Variants in EYS observed in about 807,000 individuals in gnomAD.
EYS encodes the protein EGF-like photoreceptor maintenance factor.
A neutral mutation model predicts 282.1 loss-of-function variants in EYS; 250 were observed. That is an observed-to-expected ratio of 0.89 (90% CI 0.80 to 0.98). EYS has a LOEUF of 0.98. EYS is among the 50% of genes least tolerant of loss of function. EYS has a pLI of 0.00. For synonymous variants in EYS, 1,355 were observed against 1,282.9 expected, an observed-to-expected ratio of 1.06 and a Z score of -1.20; for missense variants, 4,016 against 3,709.0, an observed-to-expected ratio of 1.08 and a Z score of -2.15.
At chr6:64,112,363 T>C (rs184118722) in intron 31 of EYS, among the ~76,000 whole-genome samples, 1 of 152,120 alleles carries the variant, frequency 6.6e-6, no homozygotes, top group Admixed American at 6.6e-5. Context: ...AGCGACTGGG[T>C]GGTGGACGTT....
intron 2 of EYS, among the ~76,000 whole-genome samples, chr6:65,594,764 C>T (rs987921518): frequency 5.9e-5 from 9 of 152,030 alleles, no homozygotes; most frequent in African/African-American, 2.2e-4. Flanking sequence ...ATGGTATTGC[C>T]TAGGTTTTCT....
rs899224134 is a variant in EYS, at chr6:65,256,274, C to CT, written c.2023+39588dup. ...GAAAGACAAACTTCTTTTTTTTTTT[C>CT]TTTTTTTTTTTTAATTAAAGTTTTA... On this transcript the variant is annotated intron_variant, in intron 12 of 42. Transcript: ENST00000503581. Among the ~76,000 whole-genome samples the CT allele has an allele frequency of 3.0e-3, 372 of 125,616 alleles. 1 individual carries two copies. The highest frequency in any genetic ancestry group is 6.0e-3 in the South Asian group (25 of 4,148). 82.4% of individuals were successfully genotyped at this position (125,616 alleles called of 152,430 possible).
chr6:65,419,584 A>G (rs1370965152), intron 5 of EYS, among the ~76,000 whole-genome samples: 1 of 151,990 alleles, frequency 6.6e-6, no homozygotes, highest in Non-Finnish European at 1.5e-5. Context: ...AATATTTCAC[A>G]TGCGATTTTA....
chr6:64,456,005 T>A (rs1304298995), intron 26 of EYS, among the ~76,000 whole-genome samples: 1 of 152,180 alleles, frequency 6.6e-6, no homozygotes, highest in East Asian at 1.9e-4. Flanking sequence ...ATTTCATTTT[T>A]AATAATTTAT....
chr6:63,886,940 G>T (rs570520050), intron 35 of EYS, among the ~76,000 whole-genome samples: 28 of 152,280 alleles, frequency 1.8e-4, no homozygotes, highest in South Asian at 1.0e-3. Flanking sequence ...TGACACAAAA[G>T]GTTGTTTTCT....
Position 65,415,658 on chromosome 6 carries a change from A to C in EYS, c.863-10291T>G, listed in dbSNP as rs188273681. On this transcript the variant is annotated intron_variant, in intron 5 of 42. Transcript: ENST00000503581. Reference sequence around the variant, plus strand: ...GACAAAAATAGATGGGCAAAGAATCAAGTTAACTGGTGGCATCCAGGCAGA... The same window carrying C: ...GACAAAAATAGATGGGCAAAGAATCCAGTTAACTGGTGGCATCCAGGCAGA... Among the ~76,000 whole-genome samples, 371 of 152,230 alleles carry C rather than the reference A, an allele frequency of 2.4e-3. 2 individuals carry two copies. The highest frequency in any genetic ancestry group is 3.9e-3 in the Non-Finnish European group (263 of 67,960).
At chr6:65,609,840 A>G (rs2149794350) in intron 2 of EYS, among the ~76,000 whole-genome samples, 2 of 152,266 alleles carry the variant, frequency 1.3e-5, no homozygotes, top group South Asian at 4.1e-4. Flanking sequence ...GCCACTAAAA[A>G]TATATAGGCC....
At chr6:63,813,861 C>T (rs1196193000) in intron 36 of EYS, among the ~76,000 whole-genome samples, 1 of 152,138 alleles carries the variant, frequency 6.6e-6, no homozygotes. Flanking sequence ...AGTTTTCCAA[C>T]CATCATGTTC....
At position 63,722,194 on chromosome 6, in the gene EYS, G is replaced by C. The variant is rs572328154; in HGVS notation, c.8234-397C>G. ...TTTCCTGTCTCTCCAACCTTACCTGGAATGTTCTCTTTCCCCATCCTTACA... is the reference window on the plus strand; with the variant it reads ...TTTCCTGTCTCTCCAACCTTACCTGCAATGTTCTCTTTCCCCATCCTTACA... On this transcript the variant is annotated intron_variant, in intron 42 of 42. Transcript: ENST00000503581. Among the ~76,000 whole-genome samples, 54 of 152,044 alleles carry C rather than the reference G, an allele frequency of 3.6e-4. No homozygotes were observed. The East Asian group carries it at 9.7e-3, about 27-fold the overall frequency.
At chr6:65,124,779 G>A (rs1775670140) in intron 12 of EYS, among the ~76,000 whole-genome samples, 1 of 152,078 alleles carries the variant, frequency 6.6e-6, no homozygotes, top group Non-Finnish European at 1.5e-5. Flanking sequence ...TGTTTGAATA[G>A]GTGTAATTTA....
At chr6:65,507,027 CTCTG>C (rs1766686005) in intron 2 of EYS, among the ~76,000 whole-genome samples, 1 of 152,084 alleles carries the variant, frequency 6.6e-6, no homozygotes, top group Admixed American at 6.6e-5. Context: ...TTTATTCCTT[CTCTG>C]TCTTCCTTTC....
chr6:63,995,852 T>C (rs141836874), intron 34 of EYS, among the ~76,000 whole-genome samples: 149 of 151,962 alleles, frequency 9.8e-4, no homozygotes, highest in African/African-American at 3.2e-3. Context: ...AAAGTTCCAA[T>C]CTGATAAGAG....
intron 2 of EYS, among the ~76,000 whole-genome samples, chr6:65,610,433 T>C (rs1765956850): frequency 6.6e-6 from 1 of 152,110 alleles, no homozygotes; most frequent in African/African-American, 2.4e-5. Context: ...TAAATTTTGT[T>C]CCATCATTTA....
chr6:65,322,205 C>T (rs1216047001), intron 11 of EYS, among the ~76,000 whole-genome samples: 3 of 152,092 alleles, frequency 2.0e-5, no homozygotes, highest in African/African-American at 2.4e-5. Flanking sequence ...ATCTAATTAT[C>T]CAGACGTATC....
chr6:63,806,374 T>A lies in EYS; in HGVS notation c.7229-2A>T. On this transcript the variant is annotated splice_acceptor_variant, in intron 36 of 42. Transcript: ENST00000503581. LOFTEE classifies it high-confidence loss of function. ...ACCTTGGCTGAGTAATATTAATAGC[T>A]GTGAAAAAACCCAAACCAAACAGTT... 1.3e-6 allele frequency: 2 copies of A among 1,527,658 alleles called. No homozygotes were observed. The highest frequency in any genetic ancestry group is 1.8e-6 in the Non-Finnish European group (2 of 1,133,910). The allele number at this position is 1,527,658 out of a possible 1,614,324, so 94.6% of individuals were successfully genotyped here. A position where few individuals can be genotyped will look rare whatever the true frequency, so the allele number is the denominator to read the frequency against.
chr6:64,491,834 G>A (rs888883530), intron 26 of EYS, among the ~76,000 whole-genome samples: 5 of 150,994 alleles, frequency 3.3e-5, no homozygotes, highest in Non-Finnish European at 7.4e-5. Context: ...TCTTCTCTCT[G>A]TTAATGTCAT....
At chr6:64,379,328 G>T (rs1772667759) in intron 29 of EYS, among the ~76,000 whole-genome samples, 2 of 152,096 alleles carry the variant, frequency 1.3e-5, no homozygotes, top group Non-Finnish European at 2.9e-5. Context: ...ATTAAACAGG[G>T]TTTTTAAATT....
intron 31 of EYS, among the ~76,000 whole-genome samples, chr6:64,168,834 C>A (rs1309542270): frequency 2.0e-5 from 3 of 152,006 alleles, no homozygotes; most frequent in African/African-American, 7.3e-5. Flanking sequence ...GATATTTGCA[C>A]AAGGCAGTAA....
chr6:64,626,374 T>C (rs1215725840), intron 22 of EYS, 129 bp from the exon 23 acceptor site: 1 of 1,090,970 alleles, frequency 9.2e-7, no homozygotes, highest in Non-Finnish European at 1.3e-6. Context: ...GAGCCTTCCT[T>C]GGGGTGACAA....
Sources: gnomAD v4.1 joint callset for allele counts (sites outside exome capture counted in the v4.1 genomes callset) on GRCh38, gnomAD v4.1.1 for gene constraint, MANE v1.5 for transcripts, NCBI Gene and HGNC (gene_info 2026-07-23, HGNC 2026-07-21) for gene names.